Variants in ESRRG observed in about 807,000 individuals in gnomAD.
ESRRG encodes the protein estrogen-related receptor gamma.
A neutral mutation model predicts 44.0 loss-of-function variants in ESRRG; 13 were observed. That is an observed-to-expected ratio of 0.30 (90% confidence interval 0.19 to 0.47). ESRRG has a LOEUF of 0.47. Ranked by LOEUF, ESRRG falls within the 20% of genes least tolerant of loss-of-function variation. The probability of loss-of-function intolerance (pLI) is 1.00; values close to 1 mark genes in which losing one functional copy is unlikely to be tolerated. For synonymous variants in ESRRG, 215 were observed against 214.6 expected (o/e 1.00, Z -0.02); for missense variants, 395 against 580.6 (o/e 0.68, Z 3.29).
chr1:216,878,424 T>A (rs1021548212), intron 2 of ESRRG, among the ~76,000 whole-genome samples: 3 of 152,206 alleles, frequency 2.0e-5, no homozygotes, highest in African/African-American at 7.2e-5. Context: ...TCTATATAAA[T>A]AAGTTAATGT....
At chr1:216,705,352 G>T (rs2082246827) in intron 1 of ESRRG, among the ~76,000 whole-genome samples, 1 of 151,368 alleles carries the variant, frequency 6.6e-6, no homozygotes, top group Non-Finnish European at 1.5e-5. Flanking sequence ...ATCTAGTAAG[G>T]AAAAAAAGGA....
At chr1:216,564,418 A>G in intron 4 of ESRRG, 38 bp from the exon 5 acceptor site, 3 of 1,532,994 alleles carry the variant, frequency 2.0e-6, no homozygotes, top group Non-Finnish European at 2.6e-6. Flanking sequence ...GATCACTAGT[A>G]GTATCATCCC....
At chr1:216,955,083 A>T (rs779647556) in intron 1 of ESRRG, among the ~76,000 whole-genome samples, 8 of 152,152 alleles carry the variant, frequency 5.3e-5, no homozygotes, top group Non-Finnish European at 1.5e-5. Context: ...TTTTTTGAAC[A>T]TATACACTAA....
intron 1 of ESRRG, among the ~76,000 whole-genome samples, chr1:217,025,861 AT>A (rs1420740979): frequency 3.9e-5 from 6 of 152,188 alleles, no homozygotes; most frequent in African/African-American, 1.2e-4. Flanking sequence ...TTACACTACC[AT>A]TTAATTTCCA....
intron 2 of ESRRG, among the ~76,000 whole-genome samples, chr1:216,747,235 A>G (rs1388576872): frequency 5.9e-5 from 9 of 152,194 alleles, no homozygotes; most frequent in Admixed American, 2.0e-4. Flanking sequence ...CTATCAACCC[A>G]TAAGTGGCAG....
intron 6 of ESRRG, among the ~76,000 whole-genome samples, chr1:216,513,599 T>A (rs1293695503): frequency 6.6e-6 from 1 of 152,138 alleles, no homozygotes; most frequent in Non-Finnish European, 1.5e-5. Context: ...TGTATTTATA[T>A]AAAATGTTGA....
intron 1 of ESRRG, among the ~76,000 whole-genome samples, chr1:217,114,470 A>C (rs891411925): frequency 6.6e-6 from 1 of 152,096 alleles, no homozygotes; most frequent in Non-Finnish European, 1.5e-5. Flanking sequence ...AGGATAAAAC[A>C]GAATGGGAGC....
chr1:216,506,343 C>T lies in ESRRG; in HGVS notation c.*596G>A, dbSNP rs931835704. On this transcript the variant is annotated 3_prime_UTR_variant, in exon 7 of 7. Coordinates refer to ENST00000408911, the MANE Select transcript of ESRRG (RefSeq NM_001438.4). Reference sequence around the variant, plus strand: ...GTTCACTGGCATCCATATTATGGATCTCCATCCTTTGGCAGGGCTGGCTTC... The same window carrying T: ...GTTCACTGGCATCCATATTATGGATTTCCATCCTTTGGCAGGGCTGGCTTC... 1.7e-5 allele frequency: 5 copies of T among 287,504 alleles called. No individual in the cohort carries two copies. In the East Asian group the frequency reaches 4.3e-4, roughly 25 times the overall value. 17.8% of individuals were successfully genotyped at this position (287,504 alleles called of 1,614,324 possible).
At chr1:216,681,445 C>A (rs571423297) in intron 1 of ESRRG, among the ~76,000 whole-genome samples, 10 of 152,032 alleles carry the variant, frequency 6.6e-5, no homozygotes, top group African/African-American at 2.4e-4. Flanking sequence ...CCTCCCTGCT[C>A]CCCCCACCCG....
chr1:216,678,267 G>T (rs2076448124), intron 1 of ESRRG, among the ~76,000 whole-genome samples: 1 of 152,160 alleles, frequency 6.6e-6, no homozygotes, highest in African/African-American at 2.4e-5. Flanking sequence ...ATAAATACGT[G>T]CATGTGTTTC....
At chr1:216,976,318 GTGTGTGTA>G (rs1339763661) in intron 1 of ESRRG, among the ~76,000 whole-genome samples, 1 of 145,912 alleles carries the variant, frequency 6.9e-6, no homozygotes, top group African/African-American at 2.7e-5. Context: ...GTGTGTGTGT[GTGTGTGTA>G]TGAAAATGAT....
chr1:216,613,392 G>A lies in ESRRG; in HGVS notation c.589+37581C>T, dbSNP rs191154428. 3.3e-5 allele frequency among the ~76,000 whole-genome samples: 5 copies of A among 152,278 alleles called. No homozygotes were observed. In the East Asian group the frequency reaches 7.7e-4, roughly 24 times the overall value. ...TTTTTTAAAGCGCCAAACACAGAAT[G>A]TGTTTATTACAATTCTTCATGACCC... On this transcript the variant is annotated intron_variant, in intron 3 of 6. Coordinates refer to ENST00000408911, the MANE Select transcript of ESRRG (RefSeq NM_001438.4).
intron 1 of ESRRG, among the ~76,000 whole-genome samples, chr1:217,074,183 G>T (rs12096471): frequency 6.6e-6 from 1 of 151,700 alleles, no homozygotes; most frequent in African/African-American, 2.4e-5. Flanking sequence ...CAGTAGCTGA[G>T]ATTACAGGTG....
At chr1:216,524,719 C>A (rs1342873246) in intron 5 of ESRRG, among the ~76,000 whole-genome samples, 2 of 151,956 alleles carry the variant, frequency 1.3e-5, no homozygotes, top group Admixed American at 6.6e-5. Context: ...TTTTATGGAA[C>A]TATTATTTTA....
intron 1 of ESRRG, among the ~76,000 whole-genome samples, chr1:216,953,918 C>T (rs7526109): frequency 0.34 from 51,878 of 151,156 alleles, 10,550 homozygotes; most frequent in Non-Finnish European, 0.47. Context: ...ATTTGGGGGG[C>T]AATGAAAAAA....
intron 1 of ESRRG, among the ~76,000 whole-genome samples, chr1:217,010,672 A>G (rs1172225343): frequency 6.6e-6 from 1 of 152,224 alleles, no homozygotes; most frequent in Non-Finnish European, 1.5e-5. Flanking sequence ...AAAATGAAAG[A>G]TGGAGATGTA....
In ESRRG at chr1:217,065,948, A is replaced by G. The variant is rs1053892556; in HGVS notation, c.-106+23559T>C. On this transcript the variant is annotated intron_variant, in intron 1 of 7. Transcript: ENST00000359162. ...CATTGCCCTGTTCCTTACATTTTCTATCAGGAGCTCACCATATTCCTACAT... is the reference window on the plus strand; with the variant it reads ...CATTGCCCTGTTCCTTACATTTTCTGTCAGGAGCTCACCATATTCCTACAT... Among the ~76,000 whole-genome samples, 4 of 152,234 alleles carry G rather than the reference A, an allele frequency of 2.6e-5. No homozygotes were observed. The Middle Eastern group carries it at 0.01, about 388-fold the overall frequency.
chr1:216,544,713 C>A (rs2053947611), intron 5 of ESRRG, among the ~76,000 whole-genome samples: 1 of 151,750 alleles, frequency 6.6e-6, no homozygotes, highest in Non-Finnish European at 1.5e-5. Context: ...AATACCTTCT[C>A]AGGTCACCTA....
intron 2 of ESRRG, among the ~76,000 whole-genome samples, chr1:216,930,757 G>A (rs2149814911): frequency 6.6e-6 from 1 of 152,298 alleles, no homozygotes; most frequent in East Asian, 1.9e-4. Flanking sequence ...AGGAAAGGCT[G>A]CAGGAAGGAG....
Sources: allele counts gnomAD v4.1 joint callset (sites outside exome capture counted in the v4.1 genomes callset), GRCh38; gene constraint gnomAD v4.1.1; transcripts MANE v1.5; gene names NCBI Gene and HGNC (gene_info 2026-07-23, HGNC 2026-07-21).